The following UNC93B1 variants were observed in gnomAD, a reference collection of about 807,000 sequenced individuals.
The protein encoded by UNC93B1 is unc-93B1 regulator of TLR signaling, also known as protein unc-93 homolog B1.
UNC93B1 carries 33 observed loss-of-function variants against 56.8 expected under a neutral mutation model. That is an observed-to-expected ratio of 0.58 (90% CI 0.44 to 0.78). The LOEUF is 0.78. Among genes scored for constraint, UNC93B1 ranks in the 30% least tolerant of loss-of-function variants. The pLI is 0.00. For synonymous variants in UNC93B1, 334 were observed against 358.6 expected (o/e 0.93, Z 0.77); for missense variants, 673 against 819.5 (o/e 0.82, Z 2.18).
chr11:67,998,352 G>A lies in UNC93B1; in HGVS notation c.781+7C>T, dbSNP rs756037451. 11 of 1,613,716 alleles carry A rather than the reference G, an allele frequency of 6.8e-6. No individual in the cohort carries two copies. The highest frequency in any genetic ancestry group is 1.6e-4 in the Middle Eastern group (1 of 6,082). Reference sequence around the variant, plus strand: ...GGACTCCTCCCCAACCCCCAACAAGGACTAACCGCAGCTCTGCACATTGTA... The same window carrying A: ...GGACTCCTCCCCAACCCCCAACAAGAACTAACCGCAGCTCTGCACATTGTA... On this transcript the variant is annotated splice_region_variant and intron_variant, in intron 6 of 10. Transcript: ENST00000227471.
In UNC93B1 at chr11:67,995,671, G is replaced by T. The variant is rs1454865897; in HGVS notation, c.1303C>A (p.Leu435Ile). 3.3e-6 allele frequency: 5 copies of T among 1,511,436 alleles called. No individual in the cohort carries two copies. Among genetic ancestry groups the T allele is most frequent in the Non-Finnish European group, 4.4e-6 (5 of 1,125,020 alleles). The allele number at this position is 1,511,436 out of a possible 1,614,324, so 93.6% of individuals were successfully genotyped here. The stretch of plus-strand genomic sequence containing the variant: ...CCCCAAAGGGCAGCTGCCACATAGA[G>T]GATCCAGCTGTGTTGCAGGACCCGA... Reference protein sequence around the residue: ...VPRVLQHSWILYVAAALWGVG... With the variant: ...VPRVLQHSWIIYVAAALWGVG... The change falls in exon 9 of 11, where the codon CTC becomes ATC. Residue 435 changes from leucine (L) to isoleucine (I), a missense_variant. By Grantham distance (5) the Leu-to-Ile change is conservative. Coordinates refer to ENST00000227471, the MANE Select transcript of UNC93B1 (RefSeq NM_030930.4).
rs554046804 is a variant in UNC93B1, at chr11:67,991,249, A to C, written c.*297T>G. On this transcript the variant is annotated 3_prime_UTR_variant, in exon 11 of 11. Transcript: ENST00000227471. ...GGGGATCTGGAGCGGGCCGGGTCGC[A>C]AGAAGACCCTGACCGTGCTCCGGCG... 1 of 318,066 alleles carries C rather than the reference A, an allele frequency of 3.1e-6. No individual in the cohort carries two copies. The highest frequency in any genetic ancestry group is 5.7e-6 in the Non-Finnish European group (1 of 174,930). 19.7% of individuals were successfully genotyped at this position (318,066 alleles called of 1,614,324 possible). A position where few individuals can be genotyped will look rare whatever the true frequency, so the allele number is the denominator to read the frequency against.
At chr11:67,997,571 C>T (rs1856969405) in intron 7 of UNC93B1, 104 bp downstream of exon 7, 1 of 1,560,382 alleles carries the variant, frequency 6.4e-7, no homozygotes, top group Non-Finnish European at 8.6e-7. Flanking sequence ...GAGGCCACAA[C>T]CCGACCCAGG....
chr11:67,999,035 G>A, intron 5 of UNC93B1, 138 bp downstream of exon 5: 1 of 1,374,830 alleles, frequency 7.3e-7, no homozygotes, highest in Admixed American at 2.6e-5. Context: ...AAGCCATCTG[G>A]GCAACATAGT....
Position 67,991,444 on chromosome 11 carries a change from C to G in UNC93B1, c.*102G>C. The G allele has an allele frequency of 2.5e-6, 3 of 1,186,890 alleles. No individual in the cohort carries two copies. Among genetic ancestry groups the G allele is most frequent in the Non-Finnish European group, 3.3e-6 (3 of 912,232 alleles). 73.5% of individuals were successfully genotyped at this position (1,186,890 alleles called of 1,614,324 possible). The stretch of plus-strand genomic sequence containing the variant: ...AACGTGGGGGAGGGGAGACAGGGGC[C>G]TTTGAAGACAGCGCGGGACTCGGAG... On this transcript the variant is annotated 3_prime_UTR_variant, in exon 11 of 11. Coordinates refer to ENST00000227471, the MANE Select transcript of UNC93B1 (RefSeq NM_030930.4).
At chr11:67,992,083 G>C (rs1324115559) in intron 10 of UNC93B1, among the ~76,000 whole-genome samples, 1 of 152,260 alleles carries the variant, frequency 6.6e-6, no homozygotes, top group Non-Finnish European at 1.5e-5. Context: ...GGCGACCTCA[G>C]TGTCCCACAC....
chr11:67,995,978 C>G (rs1856939916), intron 8 of UNC93B1, 94 bp from the exon 9 acceptor site: 1 of 1,164,400 alleles, frequency 8.6e-7, no homozygotes, highest in African/African-American at 1.6e-5. Context: ...CACCCCCCTG[C>G]GATGGGGGTC....
At chr11:67,999,346 G>A in intron 4 of UNC93B1, 41 bp from the exon 5 acceptor site, 1 of 1,582,848 alleles carries the variant, frequency 6.3e-7, no homozygotes, top group Non-Finnish European at 8.6e-7. Context: ...AGCCCGACCT[G>A]TGCCACTCCT....
intron 9 of UNC93B1, 117 bp downstream of exon 9, chr11:67,995,494 G>A: frequency 1.1e-6 from 1 of 888,282 alleles, no homozygotes; most frequent in Non-Finnish European, 1.7e-6. Flanking sequence ...AGGACCCTAT[G>A]TGACCATGGG....
intron 7 of UNC93B1, 189 bp downstream of exon 7, chr11:67,997,486 G>A (rs907047724): frequency 9.9e-7 from 1 of 1,013,606 alleles, no homozygotes; most frequent in African/African-American, 1.6e-5. Context: ...CCGCCTCCGA[G>A]CCTCATGCCC....
intron 3 of UNC93B1, among the ~76,000 whole-genome samples, chr11:68,000,930 C>G (rs192009987): frequency 6.6e-6 from 1 of 151,896 alleles, no homozygotes; most frequent in Non-Finnish European, 1.5e-5. Context: ...CGTGGTGGCT[C>G]GTGCCTGTAA....
chr11:67,998,597 CAATG>C (rs1856991856), intron 5 of UNC93B1, 145 bp from the exon 6 acceptor site: 2 of 741,694 alleles, frequency 2.7e-6, no homozygotes, highest in Non-Finnish European at 4.5e-6. Context: ...CAGGGCCGCC[CAATG>C]AGGAAGACCT....
intron 9 of UNC93B1, 82 bp from the exon 10 acceptor site, chr11:67,993,876 A>T: frequency 1.0e-6 from 1 of 970,256 alleles, no homozygotes; most frequent in African/African-American, 1.6e-5. Context: ...TACGAACTTT[A>T]CTAAGCCCTG....
chr11:67,993,348 T>G (rs931230221), intron 10 of UNC93B1, among the ~76,000 whole-genome samples: 1 of 152,268 alleles, frequency 6.6e-6, no homozygotes, highest in African/African-American at 2.4e-5. Context: ...AGCCACCATT[T>G]TTTGTGAGCA....
Position 68,004,036 on chromosome 11 carries a change from G to A in UNC93B1, c.8C>T (p.Ala3Val). The part of the protein sequence containing the change: ME[A>V]EPPLYPMAGA... The stretch of plus-strand genomic sequence containing the variant: ...CGCCATCGGGTAGAGCGGCGGCTCC[G>A]CCTCCATGGCCCGAACTACTGCGGA... Residue 3 changes from alanine (A) to valine (V), a missense_variant, in exon 1 of 11, where the codon GCG becomes GTG. By Grantham distance (64) the Ala-to-Val change is moderately conservative. This residue lies in a region of UNC93B1 where 438 missense variants were observed against 465.9 expected (regional missense o/e 0.94). Transcript: ENST00000227471. 1 of 1,394,434 alleles carries A rather than the reference G, an allele frequency of 7.2e-7. No individual in the cohort carries two copies. Among genetic ancestry groups the A allele is most frequent in the Non-Finnish European group, 9.3e-7 (1 of 1,071,160 alleles). 86.4% of individuals were successfully genotyped at this position (1,394,434 alleles called of 1,614,324 possible).
At chr11:67,993,117 T>C (rs1008319942) in intron 10 of UNC93B1, among the ~76,000 whole-genome samples, 1 of 152,138 alleles carries the variant, frequency 6.6e-6, no homozygotes, top group African/African-American at 2.4e-5. Flanking sequence ...GCCTCCTGAG[T>C]AGCTGTGATT....
At chr11:67,993,962 C>A (rs921100950) in intron 9 of UNC93B1, among the ~76,000 whole-genome samples, 168 bp from the exon 10 acceptor site, 2 of 152,342 alleles carry the variant, frequency 1.3e-5, no homozygotes, top group African/African-American at 2.4e-5. Context: ...CTGGTGGAGA[C>A]CCTGGTCACC....
chr11:67,998,231 G>A (rs1475731223), intron 6 of UNC93B1, 128 bp downstream of exon 6: 11 of 1,080,596 alleles, frequency 1.0e-5, no homozygotes, highest in Admixed American at 1.8e-5. Flanking sequence ...ACAGGGCCCT[G>A]TGTCTTGCCC....
At chr11:67,992,642 C>G (rs1856863984) in intron 10 of UNC93B1, among the ~76,000 whole-genome samples, 1 of 150,440 alleles carries the variant, frequency 6.6e-6, no homozygotes, top group Non-Finnish European at 1.5e-5. Flanking sequence ...CCAGCCCACT[C>G]ACTGCTTTTC....
Sources: gnomAD v4.1 joint callset for allele counts (sites outside exome capture counted in the v4.1 genomes callset) on GRCh38, gnomAD v4.1.1 for gene constraint, gnomAD v4.1.1 regional missense constraint, MANE v1.5 for transcripts, NCBI Gene and HGNC (gene_info 2026-07-23, HGNC 2026-07-21) for gene names.